The following AGXT variants were observed in gnomAD, a reference collection of about 807,000 sequenced individuals.
AGXT encodes L-alanine: glyoxylate aminotransferase 1.
A neutral mutation model predicts 46.9 loss-of-function variants in AGXT; 41 were observed. The observed-to-expected ratio is 0.88, with a 90% CI of 0.68 to 1.14. The LOEUF is 1.14. Ranked by LOEUF, AGXT falls within the 50% of genes most tolerant of loss-of-function variation. The probability of loss-of-function intolerance (pLI) is 0.00; values close to 1 mark genes in which losing one functional copy is unlikely to be tolerated. For missense variants in AGXT, 525 were observed against 522.7 expected, an observed-to-expected ratio of 1.00 and a Z score of -0.04; for synonymous variants, 244 against 227.9, an observed-to-expected ratio of 1.07 and a Z score of -0.64.
chr2:240,869,487 C>A (rs1026223200), intron 2 of AGXT, 125 bp downstream of exon 2: 3 of 1,166,124 alleles, frequency 2.6e-6, no homozygotes, highest in South Asian at 1.6e-5. Flanking sequence ...TGGCCCTGTG[C>A]GCACGAACCT....
intron 8 of AGXT, 159 bp from the exon 9 acceptor site, chr2:240,877,378 A>C: frequency 1.4e-6 from 1 of 716,776 alleles, no homozygotes; most frequent in Non-Finnish European, 2.5e-6. Context: ...GCCCTGGGGT[A>C]GTCCCAGGCC....
rs2059022286 is a variant in AGXT at position 240,875,920 on chromosome 2, C to A, written c.777-15C>A. On this transcript the variant is annotated splice_polypyrimidine_tract_variant and intron_variant, in intron 7 of 10. Transcript: ENST00000307503. ...CTGCCCATGGTGCTGGACCAAGCCCCCTCGTGTCTTCCAGGTACCATCACA... is the reference window on the plus strand; with the variant it reads ...CTGCCCATGGTGCTGGACCAAGCCCACTCGTGTCTTCCAGGTACCATCACA... The A allele has an allele frequency of 1.2e-6, 2 of 1,614,174 alleles. No homozygotes were observed. Among genetic ancestry groups the A allele is most frequent in the Non-Finnish European group, 1.7e-6 (2 of 1,180,000 alleles).
At chr2:240,875,623 G>T (rs1319830429) in intron 7 of AGXT, among the ~76,000 whole-genome samples, 1 of 152,272 alleles carries the variant, frequency 6.6e-6, no homozygotes, top group Admixed American at 6.5e-5. Flanking sequence ...AGCCCAGTGG[G>T]CACAGAGGGC....
At chr2:240,870,609 C>T (rs573283978) in intron 2 of AGXT, 35 bp from the exon 3 acceptor site, 66 of 1,548,496 alleles carry the variant, frequency 4.3e-5, no homozygotes, top group Non-Finnish European at 5.1e-5. Context: ...ACAGTGTGTG[C>T]GGGACACTCA....
Position 240,869,254 on chromosome 2 carries a change from T to A in AGXT, c.250T>A (p.Cys84Ser). 1 of 1,613,870 alleles carries A rather than the reference T, an allele frequency of 6.2e-7. No homozygotes were observed. Among genetic ancestry groups the A allele is most frequent in the East Asian group, 2.2e-5 (1 of 44,878 alleles). ...LTLVISGSGHCALEAALVNVL... is the reference protein window; with the variant it reads ...LTLVISGSGHSALEAALVNVL... ...ACTGGTCATCTCTGGCTCGGGACAC[T>A]GTGCCCTGGAGGCCGCCCTGGTCAA... Residue 84 changes from cysteine to serine, a missense_variant, in exon 2 of 11, where the codon TGT becomes AGT. Coordinates refer to ENST00000307503, the MANE Select transcript of AGXT (RefSeq NM_000030.3).
At chr2:240,871,289 T>C in intron 3 of AGXT, 60 bp from the exon 4 acceptor site, 1 of 1,433,464 alleles carries the variant, frequency 7.0e-7, no homozygotes, top group Non-Finnish European at 9.6e-7. Context: ...GGGGGGTTTG[T>C]GGGGGTGTTC....
chr2:240,870,253 A>T (rs1010301170), intron 2 of AGXT, among the ~76,000 whole-genome samples: 1 of 152,106 alleles, frequency 6.6e-6, no homozygotes, highest in Middle Eastern at 3.2e-3. Context: ...TCAGTCTGTC[A>T]TCCATCACAC....
In AGXT at chr2:240,868,828, C is replaced by T. The variant is rs1419441835; in HGVS notation, c.-38C>T. On this transcript the variant is annotated 5_prime_UTR_variant, in exon 1 of 11. Transcript: ENST00000307503. ...TTCCAGGCTTTGGCCAAGGCCAGTG[C>T]AGCCCCAGGTTCCCGAGCGGCAGGT... is the stretch of plus-strand genomic sequence containing the variant. The T allele has an allele frequency of 3.1e-6, 5 of 1,594,842 alleles. No individual in the cohort carries two copies. Among genetic ancestry groups the T allele is most frequent in the Non-Finnish European group, 4.3e-6 (5 of 1,170,668 alleles).
chr2:240,871,181 C>G lies in AGXT; in HGVS notation c.424-168C>G. 6.0e-6 allele frequency: 4 copies of G among 665,866 alleles called. No homozygotes were observed. In the Admixed American group the frequency reaches 8.7e-5, roughly 15 times the overall value. The allele number at this position is 665,866 out of a possible 1,614,324, so 41.2% of individuals were successfully genotyped here. A position where few individuals can be genotyped will look rare whatever the true frequency, so the allele number is the denominator to read the frequency against. ...GTCCTGTTCTTGGAAAAGCCCTTGT[C>G]CCGGAGCGGAGATGCCCCAGCCTCC... is the stretch of plus-strand genomic sequence containing the variant. On this transcript the variant is annotated intron_variant, in intron 3 of 10. Coordinates refer to ENST00000307503, the MANE Select transcript of AGXT (RefSeq NM_000030.3).
chr2:240,870,671 A>T lies in AGXT; in HGVS notation c.386A>T (p.Asp129Val), dbSNP rs1188019346. The T allele has an allele frequency of 1.3e-6, 2 of 1,555,170 alleles. No individual in the cohort carries two copies. Among genetic ancestry groups the T allele is most frequent in the East Asian group, 4.8e-5 (2 of 41,520 alleles). ...GCCCGAGTGCACCCGATGACCAAGGACCCTGGAGGCCACTACACACTGCAG... is the reference window on the plus strand; with the variant it reads ...GCCCGAGTGCACCCGATGACCAAGGTCCCTGGAGGCCACTACACACTGCAG... ...IGARVHPMTK[D>V]PGGHYTLQEV... Residue 129 changes from aspartate (D) to valine (V), a missense_variant, in exon 3 of 11, where the codon GAC becomes GTC. Physicochemically the swap from Asp to Val is radical, Grantham distance 152 (BLOSUM62 -3). Coordinates refer to ENST00000307503, the MANE Select transcript of AGXT (RefSeq NM_000030.3).
Position 240,876,013 on chromosome 2 carries a change from G to A in AGXT, c.846+9G>A, listed in dbSNP as rs2059022960. On this transcript the variant is annotated intron_variant, in intron 8 of 10. Coordinates refer to ENST00000307503, the MANE Select transcript of AGXT (RefSeq NM_000030.3). ...CCCTCATTGCGGAACAGGTGCATGG[G>A]CTGCACTCCACAGGAGGAGACAGGG... 1 of 1,613,820 alleles carries A rather than the reference G, an allele frequency of 6.2e-7. No individual in the cohort carries two copies. The highest frequency in any genetic ancestry group is 1.3e-5 in the African/African-American group (1 of 75,046).
Position 240,878,765 on chromosome 2 carries a change from C to T in AGXT, c.1123C>T (p.Arg375Cys), listed in dbSNP as rs552474817. 13 of 1,592,520 alleles carry T rather than the reference C, an allele frequency of 8.2e-6. No individual in the cohort carries two copies. Among genetic ancestry groups the T allele is most frequent in the African/African-American group, 8.0e-5 (6 of 74,910 alleles). The change falls in exon 11 of 11, where the codon CGC (arginine) becomes TGC (cysteine). Residue 375 changes from arginine to cysteine, a missense_variant. Coordinates refer to ENST00000307503, the MANE Select transcript of AGXT (RefSeq NM_000030.3). Reference protein sequence around the residue: ...GCNATRENVDRVTEALRAALQ... With the variant: ...GCNATRENVDCVTEALRAALQ... The stretch of plus-strand genomic sequence containing the variant: ...CAATGCCACCCGCGAGAATGTGGAC[C>T]GCGTGACGGAGGCCCTGAGGGCGGC...
intron 7 of AGXT, 34 bp from the exon 8 acceptor site, chr2:240,875,901 A>T (rs1234502426): frequency 1.2e-6 from 2 of 1,611,372 alleles, no homozygotes; most frequent in South Asian, 2.2e-5. Flanking sequence ...AACCCTGCCC[A>T]TGGTGCTGGA....
chr2:240,870,313 G>A (rs371373665), intron 2 of AGXT, among the ~76,000 whole-genome samples: 4 of 152,240 alleles, frequency 2.6e-5, no homozygotes, highest in African/African-American at 9.6e-5. Flanking sequence ...CCAGCCCTGG[G>A]CCAGGTGCAG....
In AGXT at chr2:240,868,906, T is replaced by G. The variant is rs552120667; in HGVS notation, c.41T>G (p.Leu14Arg). Reference protein sequence around the residue: ...HKLLVTPPKALLKPLSIPNQL... With the variant: ...HKLLVTPPKARLKPLSIPNQL... Reference sequence around the variant, plus strand: ...CTGCTGGTGACCCCCCCCAAGGCCCTGCTCAAGCCCCTCTCCATCCCCAAC... The same window carrying G: ...CTGCTGGTGACCCCCCCCAAGGCCCGGCTCAAGCCCCTCTCCATCCCCAAC... The change falls in exon 1 of 11, where the codon CTG (leucine) becomes CGG (arginine). Residue 14 changes from leucine (L) to arginine (R), a missense_variant. Leu to Arg is a moderately radical substitution (Grantham distance 102, BLOSUM62 -2). Transcript: ENST00000307503. The G allele has an allele frequency of 6.2e-7, 1 of 1,613,144 alleles. No individual in the cohort carries two copies. Among genetic ancestry groups the G allele is most frequent in the East Asian group, 2.2e-5 (1 of 44,866 alleles).
rs2058979596 is a variant in AGXT at position 240,869,443 on chromosome 2, G to T, written c.358+81G>T. 4.8e-6 allele frequency: 7 copies of T among 1,462,618 alleles called. No individual in the cohort carries two copies. In the East Asian group the frequency reaches 1.4e-4, roughly 29 times the overall value. 90.6% of individuals were successfully genotyped at this position (1,462,618 alleles called of 1,614,324 possible). A position where few individuals can be genotyped will look rare whatever the true frequency, so the allele number is the denominator to read the frequency against. Reference sequence around the variant, plus strand: ...GGCCTCCCTCTGTTTGAAGCTGGCAGCCCCCGTTCCTGGGTGAGCGCTTAC... The same window carrying T: ...GGCCTCCCTCTGTTTGAAGCTGGCATCCCCCGTTCCTGGGTGAGCGCTTAC... On this transcript the variant is annotated intron_variant, in intron 2 of 10. Coordinates refer to ENST00000307503, the MANE Select transcript of AGXT (RefSeq NM_000030.3).
Position 240,869,230 on chromosome 2 carries a change from C to A in AGXT, c.226C>A (p.Leu76Met), listed in dbSNP as rs2058978215. The A allele has an allele frequency of 6.2e-7, 1 of 1,605,168 alleles. No individual in the cohort carries two copies. The highest frequency in any genetic ancestry group is 8.5e-7 in the Non-Finnish European group (1 of 1,174,008). Residue 76 changes from leucine (L) to methionine (M), a missense_variant, in exon 2 of 11, where the codon CTG (leucine) becomes ATG (methionine). By Grantham distance (15) the Leu-to-Met change is conservative. Coordinates refer to ENST00000307503, the MANE Select transcript of AGXT (RefSeq NM_000030.3). Reference protein sequence around the residue: ...YVFQTRNPLTLVISGSGHCAL... With the variant: ...YVFQTRNPLTMVISGSGHCAL... ...GTTCCAGACCAGGAACCCACTCACA[C>A]TGGTCATCTCTGGCTCGGGACACTG...
chr2:240,874,137 G>C, intron 6 of AGXT, 75 bp downstream of exon 6: 1 of 1,469,508 alleles, frequency 6.8e-7, no homozygotes, highest in East Asian at 2.3e-5. Flanking sequence ...AGGCGGGAGG[G>C]GCGGGAGCCA....
At chr2:240,870,523 G>A in intron 2 of AGXT, 121 bp from the exon 3 acceptor site, 1 of 1,180,846 alleles carries the variant, frequency 8.5e-7, no homozygotes, top group Non-Finnish European at 1.2e-6. Flanking sequence ...CAGGCAGCCA[G>A]GGTGCCACGG....
Sources: gnomAD v4.1 joint callset for allele counts (sites outside exome capture counted in the v4.1 genomes callset) on GRCh38, gnomAD v4.1.1 for gene constraint, MANE v1.5 for transcripts, NCBI Gene and HGNC (gene_info 2026-07-23, HGNC 2026-07-21) for gene names.